Variants in GRIA1 observed in about 807,000 individuals in gnomAD.
GRIA1 encodes the protein glutamate receptor 1.
Under a neutral mutation model 99.2 loss-of-function variants are expected in GRIA1, and 31 were observed. That is an observed-to-expected ratio of 0.31 (90% confidence interval 0.23 to 0.42). GRIA1 has a LOEUF of 0.42. GRIA1 is among the 10% of genes least tolerant of loss of function. The pLI, the probability that GRIA1 is intolerant of heterozygous loss-of-function variation, is 1.00. For missense variants in GRIA1, 782 were observed against 1,157.5 expected (o/e 0.68, Z 4.71); for synonymous variants, 438 against 432.4 (o/e 1.01, Z -0.16).
chr5:153,802,322 C>G (rs186179776), intron 14 of GRIA1, 34 bp from the exon 15 acceptor site: 1 of 1,608,414 alleles, frequency 6.2e-7, no homozygotes, highest in Non-Finnish European at 8.5e-7. Flanking sequence ...TTTATTCTTC[C>G]CCCTCCCCTT....
chr5:153,627,430 C>T (rs754354129), intron 2 of GRIA1, among the ~76,000 whole-genome samples: 4 of 152,208 alleles, frequency 2.6e-5, no homozygotes, highest in Non-Finnish European at 5.9e-5. Context: ...CCAGAGTAGA[C>T]ACAGGCACGT....
At chr5:153,783,000 G>A (rs548218571) in intron 13 of GRIA1, among the ~76,000 whole-genome samples, 2 of 152,332 alleles carry the variant, frequency 1.3e-5, no homozygotes, top group South Asian at 2.1e-4. Flanking sequence ...AGAGGAAGAA[G>A]AGAGAGGGCC....
intron 2 of GRIA1, among the ~76,000 whole-genome samples, chr5:153,551,788 T>C (rs1018072975): frequency 6.6e-6 from 1 of 152,178 alleles, no homozygotes. Flanking sequence ...GGCACTCTGT[T>C]CTTTGAACTT....
In GRIA1 at chr5:153,698,115, A is replaced by T. The variant is rs368699188; in HGVS notation, c.1206A>T (p.Ser402=). 18 of 1,609,164 alleles carry T rather than the reference A, an allele frequency of 1.1e-5. No homozygotes were observed. In the African/African-American group the frequency reaches 1.7e-4, roughly 16 times the overall value. Reference sequence around the variant, plus strand: ...ATGCCCAAGCTGGGGGCGATAATTCAAGTGTTCAGAACAGAACATACATCG... The same window carrying T: ...ATGCCCAAGCTGGGGGCGATAATTCTAGTGTTCAGAACAGAACATACATCG... ...ATDAQAGGDN[S]SVQNRTYIVT... is the part of the protein sequence containing the mutation. The change falls in exon 9 of 16, where the codon TCA becomes TCT. Residue 402 remains serine, a synonymous_variant. Coordinates refer to ENST00000285900, the MANE Select transcript of GRIA1 (RefSeq NM_000827.4).
At chr5:153,699,221 T>C (rs2149513410) in intron 10 of GRIA1, 148 bp downstream of exon 10, 1 of 656,852 alleles carries the variant, frequency 1.5e-6, no homozygotes, top group East Asian at 2.7e-5. Context: ...TCATCCAAAA[T>C]CCAATTTCTT....
chr5:153,698,548 G>A (rs1758287024), intron 9 of GRIA1, among the ~76,000 whole-genome samples: 2 of 152,100 alleles, frequency 1.3e-5, no homozygotes, highest in Non-Finnish European at 2.9e-5. Context: ...GAGAAACCTG[G>A]AGCCTGTTTA....
chr5:153,506,316 GGTGTGTGTGTGTGTGT>G (rs61220170), intron 2 of GRIA1, among the ~76,000 whole-genome samples: 57 of 140,416 alleles, frequency 4.1e-4, no homozygotes, highest in African/African-American at 1.2e-3. Context: ...TGGCAAGAAG[GGTGTGTGTGTGTGTGT>G]GTGTGTGTGT....
chr5:153,515,782 C>A (rs1239716217), intron 2 of GRIA1, among the ~76,000 whole-genome samples: 1 of 152,150 alleles, frequency 6.6e-6, no homozygotes, highest in Non-Finnish European at 1.5e-5. Context: ...ATTTTTCTTG[C>A]TGAATCCCAC....
intron 11 of GRIA1, among the ~76,000 whole-genome samples, chr5:153,755,096 C>T (rs1762741176): frequency 1.3e-5 from 2 of 152,074 alleles, no homozygotes; most frequent in South Asian, 4.1e-4. Context: ...AGCAGTATGA[C>T]CAGAGTACAG....
chr5:153,801,624 C>G (rs1766031284), intron 14 of GRIA1, among the ~76,000 whole-genome samples: 1 of 152,192 alleles, frequency 6.6e-6, no homozygotes, highest in Non-Finnish European at 1.5e-5. Context: ...GGGTCTGCCT[C>G]CAGTGTTTTT....
chr5:153,802,692 A>G lies in GRIA1; in HGVS notation c.2520+202A>G, dbSNP rs1766134404. 3.9e-5 allele frequency among the ~76,000 whole-genome samples: 6 copies of G among 152,144 alleles called. No homozygotes were observed. The South Asian group carries it at 1.2e-3, about 32-fold the overall frequency. On this transcript the variant is annotated intron_variant, in intron 15 of 15. Transcript: ENST00000285900. ...AGGAAGATGGGGTGTGTCAGGCCAG[A>G]CACAAGGCCCAAGAAAAAAATTGCA...
rs368770864 is a variant in GRIA1 at position 153,644,114 on chromosome 5, T to A, written c.221-2814T>A. 1.2e-4 allele frequency among the ~76,000 whole-genome samples: 18 copies of A among 152,342 alleles called. No individual in the cohort carries two copies. In the South Asian group the frequency reaches 3.3e-3, roughly 28 times the overall value. On this transcript the variant is annotated intron_variant, in intron 2 of 15. Transcript: ENST00000285900. ...TTATAATATTTTAATGAGGTTTATG[T>A]GCTCCCCATATACACTTCACCCTGG...
intron 2 of GRIA1, among the ~76,000 whole-genome samples, chr5:153,627,510 A>AT (rs1211574468): frequency 2.0e-5 from 3 of 152,034 alleles, no homozygotes; most frequent in African/African-American, 7.2e-5. Context: ...ATCTAGAACA[A>AT]TTTTTTTCAG....
chr5:153,494,810 T>C (rs1196591155), intron 2 of GRIA1, among the ~76,000 whole-genome samples: 1 of 152,172 alleles, frequency 6.6e-6, no homozygotes, highest in Non-Finnish European at 1.5e-5. Context: ...GATGAAAGCA[T>C]AAAAATTAAT....
At chr5:153,497,762 A>T (rs1461112211) in intron 2 of GRIA1, among the ~76,000 whole-genome samples, 1 of 152,192 alleles carries the variant, frequency 6.6e-6, no homozygotes, top group Non-Finnish European at 1.5e-5. Flanking sequence ...TGAGCCCTCA[A>T]CCAAACCTAG....
intron 2 of GRIA1, among the ~76,000 whole-genome samples, chr5:153,603,841 G>C (rs1765217297): frequency 6.6e-6 from 1 of 152,118 alleles, no homozygotes; most frequent in Admixed American, 6.5e-5. Flanking sequence ...TGTGTGACAG[G>C]TCCAATAATT....
intron 2 of GRIA1, among the ~76,000 whole-genome samples, chr5:153,630,578 AGGC>A (rs1231786239): frequency 3.3e-5 from 5 of 152,198 alleles, no homozygotes; most frequent in Admixed American, 3.3e-4. Context: ...GCTTTGAACA[AGGC>A]AGGTCCAAGC....
intron 2 of GRIA1, among the ~76,000 whole-genome samples, chr5:153,556,201 G>A (rs910423122): frequency 6.6e-6 from 1 of 152,162 alleles, no homozygotes; most frequent in Non-Finnish European, 1.5e-5. Context: ...GAACTACACG[G>A]TGTTTCTGGG....
At chr5:153,527,440 G>A (rs2113409230) in intron 2 of GRIA1, among the ~76,000 whole-genome samples, 1 of 152,336 alleles carries the variant, frequency 6.6e-6, no homozygotes, top group East Asian at 1.9e-4. Flanking sequence ...GGGCAGACAT[G>A]TGGGCTTAAT....
Sources: gnomAD v4.1 joint callset for allele counts (sites outside exome capture counted in the v4.1 genomes callset) on GRCh38, gnomAD v4.1.1 for gene constraint, MANE v1.5 for transcripts, NCBI Gene and HGNC (gene_info 2026-07-23, HGNC 2026-07-21) for gene names.